EPB41L4B: variants seen among roughly 807,000 people sequenced by gnomAD.
EPB41L4B encodes band 4.1-like protein 4B.
EPB41L4B carries 30 observed loss-of-function variants against 112.5 expected under a neutral mutation model. That is an observed-to-expected ratio of 0.27 (90% CI 0.20 to 0.36). The LOEUF is 0.36. EPB41L4B is among the 10% of genes least tolerant of loss of function. EPB41L4B has a pLI of 1.00. For synonymous variants in EPB41L4B, 408 were observed against 439.7 expected (o/e 0.93, Z 0.90); for missense variants, 1,024 against 1,133.3 (o/e 0.90, Z 1.38).
intron 21 of EPB41L4B, among the ~76,000 whole-genome samples, chr9:109,193,225 A>G (rs1415583385): frequency 3.9e-5 from 6 of 152,212 alleles, no homozygotes; most frequent in Non-Finnish European, 1.5e-5. Context: ...AACACTAAGC[A>G]GAGATATTTC....
intron 15 of EPB41L4B, among the ~76,000 whole-genome samples, chr9:109,225,906 C>T (rs897419948): frequency 8.5e-5 from 13 of 152,284 alleles, no homozygotes; most frequent in Non-Finnish European, 1.3e-4. Flanking sequence ...TGCCTGAGCT[C>T]CATGTTGGCA....
intron 15 of EPB41L4B, among the ~76,000 whole-genome samples, chr9:109,238,339 C>T (rs1834224108): frequency 6.6e-6 from 1 of 152,146 alleles, no homozygotes; most frequent in Non-Finnish European, 1.5e-5. Flanking sequence ...GATGATGAAA[C>T]TGAATCTAGA....
chr9:109,305,213 G>T (rs1440035051), intron 1 of EPB41L4B, among the ~76,000 whole-genome samples: 1 of 151,620 alleles, frequency 6.6e-6, no homozygotes, highest in Non-Finnish European at 1.5e-5. Context: ...AAGGTGGGGT[G>T]GTGGGGTGGG....
At chr9:109,306,568 G>A (rs1291924068) in intron 1 of EPB41L4B, among the ~76,000 whole-genome samples, 2 of 152,196 alleles carry the variant, frequency 1.3e-5, no homozygotes, top group Non-Finnish European at 2.9e-5. Context: ...AGCCAAGATC[G>A]TGCCACTGCA....
intron 13 of EPB41L4B, among the ~76,000 whole-genome samples, chr9:109,249,010 G>T (rs1256815918): frequency 6.7e-6 from 1 of 149,416 alleles, no homozygotes; most frequent in Non-Finnish European, 1.5e-5. Context: ...AGTGAGCCGA[G>T]ACTGCGCCAC....
At chr9:109,242,324 A>G (rs1834381445) in intron 15 of EPB41L4B, among the ~76,000 whole-genome samples, 1 of 152,228 alleles carries the variant, frequency 6.6e-6, no homozygotes, top group African/African-American at 2.4e-5. Flanking sequence ...AGATGACACT[A>G]AAGCTGCCAA....
Position 109,320,210 on chromosome 9 carries a change from G to C in EPB41L4B, c.237C>G (p.Gly79=). 1 of 1,429,900 alleles carries C rather than the reference G, an allele frequency of 7.0e-7. No homozygotes were observed. Among genetic ancestry groups the C allele is most frequent in the Non-Finnish European group, 9.2e-7 (1 of 1,086,834 alleles). The allele number at this position is 1,429,900 out of a possible 1,614,324, so 88.6% of individuals were successfully genotyped here. ...GGAAVHISAA[G]AAKATLYCRV... ...GGCAGTAGAGGGTGGCCTTGGCGGC[G>C]CCGGCGGCGGAGATGTGCACGGCCG... Residue 79 remains glycine, a synonymous_variant, in exon 1 of 26, where the codon GGC becomes GGG. Coordinates refer to ENST00000374566, the MANE Select transcript of EPB41L4B (RefSeq NM_019114.5).
intron 24 of EPB41L4B, among the ~76,000 whole-genome samples, chr9:109,180,650 T>A (rs1344563853): frequency 6.6e-6 from 1 of 152,072 alleles, no homozygotes; most frequent in African/African-American, 2.4e-5. Flanking sequence ...GCTCTCTCCC[T>A]CCCTGTGTGG....
intron 17 of EPB41L4B, among the ~76,000 whole-genome samples, chr9:109,210,844 A>G (rs1004494724): frequency 1.3e-5 from 2 of 152,200 alleles, no homozygotes. Flanking sequence ...TGTTCAGTCA[A>G]TTTGAATTGT....
rs368202324 is a variant in EPB41L4B at position 109,311,978 on chromosome 9, A to C, written c.306+8163T>G. ...GATGGGGCTGCCTGACGCGTAAGTG[A>C]TCAGGTGCTTTGCATATCAACCTCC... is the stretch of plus-strand genomic sequence containing the variant. On this transcript the variant is annotated intron_variant, in intron 1 of 25. Transcript: ENST00000374566. Among the ~76,000 whole-genome samples, 21 of 152,276 alleles carry C rather than the reference A, an allele frequency of 1.4e-4. No homozygotes were observed. The East Asian group carries it at 3.5e-3, about 25-fold the overall frequency.
chr9:109,223,129 T>C (rs1192963066), intron 15 of EPB41L4B, among the ~76,000 whole-genome samples: 1 of 152,164 alleles, frequency 6.6e-6, no homozygotes, highest in Non-Finnish European at 1.5e-5. Flanking sequence ...ACCAAACATG[T>C]GGTGCTCAGT....
At chr9:109,183,644 G>A (rs373648017) in intron 23 of EPB41L4B, among the ~76,000 whole-genome samples, 5 of 152,346 alleles carry the variant, frequency 3.3e-5, no homozygotes, top group African/African-American at 9.6e-5. Context: ...AGATGACTCT[G>A]ACACCAGCTT....
intron 17 of EPB41L4B, 51 bp from the exon 18 acceptor site, chr9:109,208,100 T>C: frequency 3.1e-6 from 5 of 1,609,530 alleles, no homozygotes; most frequent in Non-Finnish European, 4.2e-6. Flanking sequence ...GAGAGAACCA[T>C]GTGCATTAAC....
At chr9:109,270,802 G>A (rs1405758623) in intron 2 of EPB41L4B, among the ~76,000 whole-genome samples, 1 of 152,128 alleles carries the variant, frequency 6.6e-6, no homozygotes, top group East Asian at 1.9e-4. Context: ...TCCAACTTGT[G>A]CAGTCTCCTT....
intron 12 of EPB41L4B, among the ~76,000 whole-genome samples, chr9:109,251,721 G>A (rs967245188): frequency 2.6e-5 from 4 of 152,188 alleles, no homozygotes; most frequent in Non-Finnish European, 5.9e-5. Context: ...CCACTCAGCA[G>A]GTTCCCAGGG....
At chr9:109,272,460 T>C (rs1281893100) in intron 2 of EPB41L4B, among the ~76,000 whole-genome samples, 1 of 151,756 alleles carries the variant, frequency 6.6e-6, no homozygotes, top group African/African-American at 2.4e-5. Flanking sequence ...ACCCTGTGTA[T>C]ATTAAAAATA....
intron 14 of EPB41L4B, among the ~76,000 whole-genome samples, chr9:109,247,445 T>G (rs962024473): frequency 6.6e-6 from 1 of 152,078 alleles, no homozygotes; most frequent in Non-Finnish European, 1.5e-5. Flanking sequence ...GCTGCCTCAC[T>G]TGAATGCCAC....
At chr9:109,219,047 C>T (rs748745234) in intron 15 of EPB41L4B, among the ~76,000 whole-genome samples, 2 of 151,842 alleles carry the variant, frequency 1.3e-5, no homozygotes, top group South Asian at 2.1e-4. Context: ...AAAGAGCATT[C>T]GGGGGAAGAC....
intron 15 of EPB41L4B, among the ~76,000 whole-genome samples, chr9:109,232,523 T>C (rs1248722380): frequency 6.6e-6 from 1 of 152,168 alleles, no homozygotes; most frequent in Non-Finnish European, 1.5e-5. Flanking sequence ...ACAAAGCAGA[T>C]TCTTTGTCAT....
Sources: allele counts gnomAD v4.1 joint callset (sites outside exome capture counted in the v4.1 genomes callset), GRCh38; gene constraint gnomAD v4.1.1; transcripts MANE v1.5; gene names NCBI Gene and HGNC (gene_info 2026-07-23, HGNC 2026-07-21).